The following ADK variants were observed in gnomAD, a reference collection of about 807,000 sequenced individuals.
The protein encoded by ADK is N6,N6-dimethyladenosine kinase.
A neutral mutation model predicts 44.7 loss-of-function variants in ADK; 24 were observed. The ratio of observed to expected loss-of-function variants is 0.54; its 90% confidence interval spans 0.39 to 0.76. ADK has a LOEUF of 0.76. ADK is among the 30% of genes least tolerant of loss of function. The pLI is 0.00. For synonymous variants in ADK, 128 were observed against 142.6 expected, an observed-to-expected ratio of 0.90 and a Z score of 0.73; for missense variants, 321 against 425.1, an observed-to-expected ratio of 0.76 and a Z score of 2.15.
At chr10:74,679,243 G>A (rs576533597) in intron 10 of ADK, among the ~76,000 whole-genome samples, 4 of 152,262 alleles carry the variant, frequency 2.6e-5, no homozygotes, top group South Asian at 2.1e-4. Flanking sequence ...CTGGTCTGTC[G>A]ACTGGTACCA....
chr10:74,594,643 G>A (rs907528744), intron 8 of ADK, among the ~76,000 whole-genome samples: 2 of 147,662 alleles, frequency 1.4e-5, no homozygotes, highest in Admixed American at 6.8e-5. Context: ...TGAAAGAGAT[G>A]TATCTTCAAT....
intron 3 of ADK, among the ~76,000 whole-genome samples, chr10:74,238,894 G>T (rs1845087090): frequency 2.5e-5 from 3 of 121,928 alleles, no homozygotes; most frequent in Admixed American, 1.1e-4. Flanking sequence ...ACGGAGTCTC[G>T]CTCTGTTCCA....
intron 10 of ADK, among the ~76,000 whole-genome samples, chr10:74,688,868 A>G (rs1855883361): frequency 6.6e-6 from 1 of 152,196 alleles, no homozygotes; most frequent in Non-Finnish European, 1.5e-5. Flanking sequence ...ATGAGCCATA[A>G]TCATGCCACT....
chr10:74,581,803 C>T (rs1271892258), intron 7 of ADK, among the ~76,000 whole-genome samples: 1 of 152,112 alleles, frequency 6.6e-6, no homozygotes, highest in Non-Finnish European at 1.5e-5. Context: ...AGAATATTAA[C>T]CCAGAATTCT....
intron 6 of ADK, among the ~76,000 whole-genome samples, chr10:74,520,297 T>C (rs1237411310): frequency 2.0e-5 from 3 of 151,888 alleles, no homozygotes; most frequent in Non-Finnish European, 2.9e-5. Context: ...ATCAGAATAT[T>C]GTTCTCAGTA....
chr10:74,190,414 C>T (rs1421715905), intron 1 of ADK, among the ~76,000 whole-genome samples: 3 of 152,164 alleles, frequency 2.0e-5, no homozygotes, highest in East Asian at 1.9e-4. Flanking sequence ...TGAGTATGCC[C>T]ATAGGCCTGG....
chr10:74,620,116 G>A (rs1406319282), intron 9 of ADK, among the ~76,000 whole-genome samples: 1 of 152,146 alleles, frequency 6.6e-6, no homozygotes, highest in Non-Finnish European at 1.5e-5. Context: ...TTTGTATTGT[G>A]AACATTCAAT....
chr10:74,495,814 A>G (rs1036569607), intron 6 of ADK, among the ~76,000 whole-genome samples: 1 of 151,862 alleles, frequency 6.6e-6, no homozygotes, highest in Non-Finnish European at 1.5e-5. Context: ...TTATCTCCCT[A>G]TTTTCAGCTC....
At chr10:74,608,190 C>T (rs1453013769) in intron 9 of ADK, among the ~76,000 whole-genome samples, 2 of 151,704 alleles carry the variant, frequency 1.3e-5, no homozygotes, top group African/African-American at 2.4e-5. Context: ...TCCTTTAGCT[C>T]GGCGGAATTT....
chr10:74,630,069 T>A (rs1020019112), intron 9 of ADK, among the ~76,000 whole-genome samples: 1 of 152,190 alleles, frequency 6.6e-6, no homozygotes, highest in South Asian at 2.1e-4. Flanking sequence ...TTAAATTTTT[T>A]AATTTTTTTA....
At chr10:74,681,295 A>G (rs556807144) in intron 10 of ADK, among the ~76,000 whole-genome samples, 1 of 152,374 alleles carries the variant, frequency 6.6e-6, no homozygotes, top group South Asian at 2.1e-4. Flanking sequence ...TTAAAAATTA[A>G]AAATGTTTTT....
At chr10:74,402,229 C>G (rs1843741244) in intron 6 of ADK, among the ~76,000 whole-genome samples, 1 of 152,142 alleles carries the variant, frequency 6.6e-6, no homozygotes, top group Non-Finnish European at 1.5e-5. Context: ...TGGTGTTGCT[C>G]TTCTCGAGGA....
chr10:74,599,935 A>G (rs1161361421), intron 8 of ADK, among the ~76,000 whole-genome samples: 1 of 152,144 alleles, frequency 6.6e-6, no homozygotes, highest in Admixed American at 6.5e-5. Flanking sequence ...CCTCTTTATA[A>G]AAACCTCTCT....
chr10:74,409,453 G>T (rs1022873228), intron 6 of ADK, among the ~76,000 whole-genome samples: 1 of 152,172 alleles, frequency 6.6e-6, no homozygotes, highest in Non-Finnish European at 1.5e-5. Flanking sequence ...ATAAGTGAAA[G>T]AATAATAAGT....
At chr10:74,621,568 C>A (rs1317602959) in intron 9 of ADK, among the ~76,000 whole-genome samples, 3 of 152,060 alleles carry the variant, frequency 2.0e-5, no homozygotes, top group Non-Finnish European at 4.4e-5. Flanking sequence ...TTTCTGATTC[C>A]ACAGAAATTT....
At chr10:74,627,441 C>T (rs1220655279) in intron 9 of ADK, among the ~76,000 whole-genome samples, 1 of 152,054 alleles carries the variant, frequency 6.6e-6, no homozygotes, top group Non-Finnish European at 1.5e-5. Context: ...TATGATTGTG[C>T]ACACTCCAGC....
At chr10:74,240,154 A>G (rs1400672202) in intron 3 of ADK, among the ~76,000 whole-genome samples, 2 of 152,136 alleles carry the variant, frequency 1.3e-5, no homozygotes, top group Non-Finnish European at 2.9e-5. Context: ...AGCTGGGATT[A>G]CAGGTGTGCA....
At chr10:74,185,196 T>G (rs1428976641) in intron 1 of ADK, among the ~76,000 whole-genome samples, 1 of 152,204 alleles carries the variant, frequency 6.6e-6, no homozygotes, top group Non-Finnish European at 1.5e-5. Context: ...AAATGAATAA[T>G]TTTACCTAGT....
At chr10:74,576,644 A>G (rs1851193465) in intron 7 of ADK, among the ~76,000 whole-genome samples, 1 of 152,150 alleles carries the variant, frequency 6.6e-6, no homozygotes, top group Non-Finnish European at 1.5e-5. Context: ...AATTTGTAGT[A>G]TTATTTATCA....
Sources: allele counts gnomAD v4.1 joint callset (sites outside exome capture counted in the v4.1 genomes callset), GRCh38; gene constraint gnomAD v4.1.1; transcripts MANE v1.5; gene names NCBI Gene and HGNC (gene_info 2026-07-23, HGNC 2026-07-21).